The following WDR26 variants were observed in gnomAD, a reference collection of about 807,000 sequenced individuals.
The protein encoded by WDR26 is WD repeat-containing protein 26.
WDR26 carries 5 observed loss-of-function variants against 84.1 expected under a neutral mutation model. The ratio of observed to expected loss-of-function variants is 0.06; its 90% CI spans 0.03 to 0.13. The LOEUF (loss-of-function observed/expected upper bound fraction) is 0.13, where lower values mean the gene tolerates loss of function less well. Among genes scored for constraint, WDR26 ranks in the 10% least tolerant of loss-of-function variants. The pLI, the probability that WDR26 is intolerant of heterozygous loss-of-function variation, is 1.00. For missense variants in WDR26, 642 were observed against 974.9 expected, an observed-to-expected ratio of 0.66 and a Z score of 4.55; for synonymous variants, 415 against 389.6, an observed-to-expected ratio of 1.07 and a Z score of -0.77.
In WDR26 at chr1:224,400,938, C is replaced by T. The variant is rs376976804; in HGVS notation, c.1719+12G>A. The T allele has an allele frequency of 1.1e-4, 169 of 1,608,488 alleles. No individual in the cohort carries two copies. Among genetic ancestry groups the T allele is most frequent in the Non-Finnish European group, 1.3e-4 (158 of 1,178,372 alleles). ...ACCAACAGATACTGGGAAGGGGGCACTGAATACTTACACACTGATAGAACT... is the reference window on the plus strand; with the variant it reads ...ACCAACAGATACTGGGAAGGGGGCATTGAATACTTACACACTGATAGAACT... On this transcript the variant is annotated intron_variant, in intron 9 of 13. Transcript: ENST00000414423.
chr1:224,404,621 T>C (rs1673503381), intron 7 of WDR26, 51 bp from the exon 8 acceptor site: 1 of 1,556,370 alleles, frequency 6.4e-7, no homozygotes, highest in African/African-American at 1.4e-5. Flanking sequence ...AAAGTCATTG[T>C]TTCCCAATGT....
intron 12 of WDR26, among the ~76,000 whole-genome samples, chr1:224,395,105 T>C (rs568213351): frequency 1.3e-5 from 2 of 152,324 alleles, no homozygotes; most frequent in African/African-American, 4.8e-5. Context: ...CTACTCAACA[T>C]TGTATCCTTC....
chr1:224,423,883 T>C (rs533647985), intron 4 of WDR26, among the ~76,000 whole-genome samples: 3 of 152,168 alleles, frequency 2.0e-5, no homozygotes, highest in East Asian at 1.9e-4. Flanking sequence ...AAAAAGAGTA[T>C]GTAGATAGAG....
rs1455017521 is a variant in WDR26 at position 224,433,832 on chromosome 1, C to T, written c.574G>A (p.Val192Ile). ...GCGGTGGTGGCGGAGGCAGCTGCGACGGTGGCTGAGGATGCGGCGGCCGCC... is the reference window on the plus strand; with the variant it reads ...GCGGTGGTGGCGGAGGCAGCTGCGATGGTGGCTGAGGATGCGGCGGCCGCC... Residue 192 changes from valine to isoleucine, a missense_variant, in exon 1 of 14, where the codon GTC becomes ATC. Transcript: ENST00000414423. The T allele has an allele frequency of 3.3e-6, 5 of 1,536,770 alleles. No individual in the cohort carries two copies. Among genetic ancestry groups the T allele is most frequent in the Non-Finnish European group, 4.4e-6 (5 of 1,146,800 alleles).
Position 224,425,212 on chromosome 1 carries a change from C to T in WDR26, c.928-558G>A, listed in dbSNP as rs998370935. ...TGGCTTATCAAAAGTTAAGAGCTGT[C>T]CAACAAATGTACTACAAGTTGGTGT... On this transcript the variant is annotated intron_variant, in intron 3 of 13. Transcript: ENST00000414423. Among the ~76,000 whole-genome samples, 18 of 152,140 alleles carry T rather than the reference C, an allele frequency of 1.2e-4. 1 individual carries two copies. The highest frequency in any genetic ancestry group is 1.0e-3 in the Admixed American group (16 of 15,268).
chr1:224,433,966 G>A lies in WDR26; in HGVS notation c.440C>T (p.Ser147Leu). 6.5e-7 allele frequency: 1 copy of A among 1,531,232 alleles called. No homozygotes were observed. The highest frequency in any genetic ancestry group is 1.2e-5 in the South Asian group (1 of 83,912). 94.9% of individuals were successfully genotyped at this position (1,531,232 alleles called of 1,614,324 possible). A position where few individuals can be genotyped will look rare whatever the true frequency, so the allele number is the denominator to read the frequency against. ...GTGGGCCAGGTCCCCCGCGGACGAC[G>A]ACGACGAGGGGGACGACTCCCCGTT... Residue 147 changes from serine to leucine, a missense_variant, in exon 1 of 14, where the codon TCG (serine) becomes TTG (leucine). Transcript: ENST00000414423.
chr1:224,413,811 T>C (rs577845750), intron 6 of WDR26, among the ~76,000 whole-genome samples: 5 of 152,122 alleles, frequency 3.3e-5, no homozygotes, highest in Admixed American at 6.5e-5. Context: ...CTAATGTTTA[T>C]CTTTATTTGT....
chr1:224,418,437 A>G, intron 5 of WDR26, 21 bp from the exon 6 acceptor site: 1 of 1,572,666 alleles, frequency 6.4e-7, no homozygotes, highest in East Asian at 2.3e-5. Flanking sequence ...AGATATTTTA[A>G]AAAAGAGAAA....
intron 4 of WDR26, among the ~76,000 whole-genome samples, chr1:224,422,025 A>G (rs774632463): frequency 6.6e-6 from 1 of 152,232 alleles, no homozygotes; most frequent in Non-Finnish European, 1.5e-5. Flanking sequence ...TGCTGGAGCC[A>G]TATCATATAG....
At chr1:224,416,424 C>T (rs532759774) in intron 6 of WDR26, among the ~76,000 whole-genome samples, 32 of 152,126 alleles carry the variant, frequency 2.1e-4, no homozygotes, top group Non-Finnish European at 4.0e-4. Context: ...GACAGGGTTT[C>T]ACCATGTTAG....
Position 224,431,572 on chromosome 1 carries a change from C to A in WDR26, c.832G>T (p.Asp278Tyr). Residue 278 changes from aspartate (D) to tyrosine (Y), a missense_variant, in exon 3 of 14, where the codon GAC becomes TAC. This residue lies in a region of WDR26 where 351 missense variants were observed against 672.8 expected (regional missense o/e 0.52). Coordinates refer to ENST00000414423, the MANE Select transcript of WDR26 (RefSeq NM_001379403.1). ...ACTAAAGGCTTTAGTTCATTCAGGTCATTTTCTGCCTGTAAAAATTGGTAT... is the reference window on the plus strand; with the variant it reads ...ACTAAAGGCTTTAGTTCATTCAGGTAATTTTCTGCCTGTAAAAATTGGTAT... 1.2e-6 allele frequency: 2 copies of A among 1,613,084 alleles called. No individual in the cohort carries two copies. The highest frequency in any genetic ancestry group is 2.2e-5 in the South Asian group (2 of 90,916).
chr1:224,433,617 C>CGG, intron 1 of WDR26, 67 bp downstream of exon 1: 3 of 877,108 alleles, frequency 3.4e-6, no homozygotes, highest in Non-Finnish European at 4.5e-6. Flanking sequence ...TCCGCCCCTT[C>CGG]CCCTACCCCC....
intron 7 of WDR26, among the ~76,000 whole-genome samples, chr1:224,406,948 C>A (rs922139509): frequency 6.7e-6 from 1 of 149,452 alleles, no homozygotes; most frequent in Non-Finnish European, 1.5e-5. Flanking sequence ...GTGGTGAAAC[C>A]CTGTCTCTAC....
chr1:224,428,911 A>G (rs1296960355), intron 3 of WDR26, among the ~76,000 whole-genome samples: 2 of 151,662 alleles, frequency 1.3e-5, no homozygotes, highest in East Asian at 3.9e-4. Flanking sequence ...TCTCAAAAAA[A>G]AAAAAAAAAT....
intron 6 of WDR26, among the ~76,000 whole-genome samples, chr1:224,414,113 G>GTT (rs538928775): frequency 7.5e-6 from 1 of 133,772 alleles, no homozygotes; most frequent in Non-Finnish European, 1.6e-5. Flanking sequence ...CGCCCGGCCT[G>GTT]TTTTTTTTTT....
chr1:224,392,703 C>T (rs6691779), intron 13 of WDR26, among the ~76,000 whole-genome samples: 27,955 of 152,052 alleles, frequency 0.18, 2,819 homozygotes, highest in Middle Eastern at 0.23. Flanking sequence ...CTTTTTGACT[C>T]GTGTGCTCTT....
intron 13 of WDR26, among the ~76,000 whole-genome samples, chr1:224,392,069 T>C (rs992615147): frequency 6.6e-6 from 1 of 152,136 alleles, no homozygotes; most frequent in Admixed American, 6.6e-5. Context: ...GCATAAAATA[T>C]ATCCTCTTCT....
At position 224,416,820 on chromosome 1, in the gene WDR26, G is replaced by A. The variant is rs760459575; in HGVS notation, c.1319+1440C>T. 9.9e-5 allele frequency among the ~76,000 whole-genome samples: 15 copies of A among 152,266 alleles called. No homozygotes were observed. The South Asian group carries it at 2.5e-3, about 25-fold the overall frequency. ...ATTTTAACACTGTTCTCAAATCTGC[G>A]AATGGAGCTATGAACCATGAAACTA... On this transcript the variant is annotated intron_variant, in intron 6 of 13. Transcript: ENST00000414423.
At position 224,431,423 on chromosome 1, in the gene WDR26, A is replaced by T. The variant is rs556794851; in HGVS notation, c.927+54T>A. 1.6e-4 allele frequency: 238 copies of T among 1,521,320 alleles called. 7 individuals carry two copies. In the South Asian group the frequency reaches 1.8e-3, roughly 12 times the overall value. The allele number at this position is 1,521,320 out of a possible 1,614,324, so 94.2% of individuals were successfully genotyped here. Reference sequence around the variant, plus strand: ...TAAGAGGCAGAAGCCTAGAGTTATCAATAACCTACTAAAATAAGCATAAAT... The same window carrying T: ...TAAGAGGCAGAAGCCTAGAGTTATCTATAACCTACTAAAATAAGCATAAAT... On this transcript the variant is annotated intron_variant, in intron 3 of 13. Coordinates refer to ENST00000414423, the MANE Select transcript of WDR26 (RefSeq NM_001379403.1).
Sources: gnomAD v4.1 joint callset for allele counts (sites outside exome capture counted in the v4.1 genomes callset) on GRCh38, gnomAD v4.1.1 for gene constraint, gnomAD v4.1.1 regional missense constraint, MANE v1.5 for transcripts, NCBI Gene and HGNC (gene_info 2026-07-23, HGNC 2026-07-21) for gene names.